PBX3: variants seen among roughly 807,000 people sequenced by gnomAD.
PBX3 encodes PBX homeobox 3.
A neutral mutation model predicts 48.5 loss-of-function variants in PBX3; 14 were observed. The observed-to-expected ratio is 0.29, with a 90% CI of 0.19 to 0.45. The LOEUF (loss-of-function observed/expected upper bound fraction) is 0.45, where lower values mean the gene tolerates loss of function less well. PBX3 is among the 20% of genes least tolerant of loss of function. The probability of loss-of-function intolerance (pLI) is 1.00; values close to 1 mark genes in which losing one functional copy is unlikely to be tolerated. For missense variants in PBX3, 386 were observed against 546.7 expected (o/e 0.71, Z 2.93); for synonymous variants, 210 against 200.3 (o/e 1.05, Z -0.41).
intron 2 of PBX3, among the ~76,000 whole-genome samples, chr9:125,818,981 A>G (rs1244204190): frequency 6.6e-6 from 1 of 151,688 alleles, no homozygotes; most frequent in Non-Finnish European, 1.5e-5. Context: ...GACTAGAGGT[A>G]TGCACCACCA....
chr9:125,931,282 T>C (rs993311522), intron 4 of PBX3, among the ~76,000 whole-genome samples: 2 of 152,140 alleles, frequency 1.3e-5, no homozygotes, highest in Admixed American at 6.5e-5. Flanking sequence ...AGTTACCAAA[T>C]GGATATAAAA....
chr9:125,965,778 G>T, intron 8 of PBX3, 53 bp from the exon 9 acceptor site: 5 of 1,312,194 alleles, frequency 3.8e-6, no homozygotes, highest in Non-Finnish European at 4.4e-6. Context: ...TTAAATTGGG[G>T]AGTAGAATTA....
At chr9:125,911,677 C>T (rs1176140092) in intron 2 of PBX3, among the ~76,000 whole-genome samples, 1 of 151,962 alleles carries the variant, frequency 6.6e-6, no homozygotes, top group Non-Finnish European at 1.5e-5. Context: ...AAAAACAAGT[C>T]CATCAGAAAA....
At chr9:125,867,524 C>T (rs1257914147) in intron 2 of PBX3, among the ~76,000 whole-genome samples, 2 of 150,994 alleles carry the variant, frequency 1.3e-5, no homozygotes, top group African/African-American at 4.9e-5. Flanking sequence ...CCTGTAATGC[C>T]AGCTACTCAG....
At chr9:125,929,969 G>A in intron 4 of PBX3, 124 bp downstream of exon 4, 1 of 707,108 alleles carries the variant, frequency 1.4e-6, no homozygotes, top group South Asian at 1.8e-5. Flanking sequence ...TTGTACAATG[G>A]ACAGGTAATT....
intron 2 of PBX3, among the ~76,000 whole-genome samples, chr9:125,783,327 G>A (rs1219556020): frequency 2.6e-5 from 4 of 151,846 alleles, no homozygotes; most frequent in Admixed American, 6.6e-5. Flanking sequence ...TACTCATGTT[G>A]CCCAGGCTGG....
intron 2 of PBX3, among the ~76,000 whole-genome samples, chr9:125,840,407 C>T (rs1839257079): frequency 6.6e-6 from 1 of 151,600 alleles, no homozygotes; most frequent in Non-Finnish European, 1.5e-5. Context: ...GGCAGTGTGT[C>T]ACAAAAGGTG....
At chr9:125,947,269 A>T (rs1029809534) in intron 5 of PBX3, among the ~76,000 whole-genome samples, 13 of 152,176 alleles carry the variant, frequency 8.5e-5, no homozygotes, top group South Asian at 2.1e-4. Context: ...TATGTATGTA[A>T]ATCTAAGTGA....
intron 5 of PBX3, 98 bp from the exon 6 acceptor site, chr9:125,960,586 G>A: frequency 9.8e-7 from 1 of 1,021,936 alleles, no homozygotes; most frequent in Non-Finnish European, 1.5e-6. Context: ...GGAATTGTGT[G>A]TCTCCCAAGG....
At chr9:125,806,518 A>G (rs886208075) in intron 2 of PBX3, among the ~76,000 whole-genome samples, 2 of 152,134 alleles carry the variant, frequency 1.3e-5, no homozygotes, top group Non-Finnish European at 2.9e-5. Context: ...TGGAAGGGCA[A>G]AAAGGGGGCC....
intron 5 of PBX3, among the ~76,000 whole-genome samples, chr9:125,953,310 C>T (rs923249627): frequency 6.6e-6 from 1 of 152,018 alleles, no homozygotes; most frequent in Admixed American, 6.5e-5. Flanking sequence ...AACCCTGTTT[C>T]TACAAAATAC....
intron 5 of PBX3, among the ~76,000 whole-genome samples, chr9:125,942,952 A>G (rs1026930868): frequency 2.0e-5 from 3 of 152,216 alleles, no homozygotes; most frequent in Non-Finnish European, 2.9e-5. Context: ...AATCAGTACC[A>G]TGATTGGTGT....
In PBX3 at chr9:125,825,311, C is replaced by G. The variant is rs140372613; in HGVS notation, c.274+76688C>G. Among the ~76,000 whole-genome samples the G allele has an allele frequency of 1.7e-3, 257 of 152,082 alleles. 1 individual carries two copies. Among genetic ancestry groups the G allele is most frequent in the African/African-American group, 5.9e-3 (243 of 41,504 alleles). On this transcript the variant is annotated intron_variant, in intron 2 of 8. Coordinates refer to ENST00000373489, the MANE Select transcript of PBX3 (RefSeq NM_006195.6). ...GCAAAAAAAAACAATTATTGAGAAC[C>G]TAGCAAGCTTTGGCTTATGTGGGTT... is the stretch of plus-strand genomic sequence containing the variant.
chr9:125,953,637 C>A (rs1842238694), intron 5 of PBX3, among the ~76,000 whole-genome samples: 1 of 152,164 alleles, frequency 6.6e-6, no homozygotes, highest in Non-Finnish European at 1.5e-5. Flanking sequence ...GTATCTACCT[C>A]CCTTAGGTTT....
chr9:125,854,599 GTGAA>G (rs1164284174), intron 2 of PBX3, among the ~76,000 whole-genome samples: 1 of 152,010 alleles, frequency 6.6e-6, no homozygotes, highest in East Asian at 1.9e-4. Flanking sequence ...GTAATTTTTA[GTGAA>G]TGAATGTGTT....
intron 2 of PBX3, among the ~76,000 whole-genome samples, chr9:125,825,113 A>C (rs1029422065): frequency 6.6e-6 from 1 of 152,132 alleles, no homozygotes; most frequent in South Asian, 2.1e-4. Flanking sequence ...GCGAAACCTT[A>C]TCTCTACAAG....
chr9:125,916,660 T>C (rs1188893311), intron 3 of PBX3, among the ~76,000 whole-genome samples: 3 of 152,214 alleles, frequency 2.0e-5, no homozygotes, highest in Non-Finnish European at 4.4e-5. Flanking sequence ...TATAAAATGC[T>C]TTCACATTTC....
At chr9:125,895,325 A>G (rs1262327249) in intron 2 of PBX3, among the ~76,000 whole-genome samples, 5 of 152,134 alleles carry the variant, frequency 3.3e-5, no homozygotes, top group Non-Finnish European at 5.9e-5. Flanking sequence ...CTATTTTCAC[A>G]TACTGTTTAT....
intron 5 of PBX3, among the ~76,000 whole-genome samples, chr9:125,940,589 A>G (rs916040641): frequency 3.1e-4 from 47 of 152,248 alleles, no homozygotes; most frequent in African/African-American, 1.1e-3. Context: ...AACTAGAAAC[A>G]ATGCAAACGT....
Sources: allele counts gnomAD v4.1 joint callset (sites outside exome capture counted in the v4.1 genomes callset), GRCh38; gene constraint gnomAD v4.1.1; transcripts MANE v1.5; gene names NCBI Gene and HGNC (gene_info 2026-07-23, HGNC 2026-07-21).